The following CHN1 variants were observed in gnomAD, a reference collection of about 807,000 sequenced individuals.
The protein encoded by CHN1 is N-chimaerin.
In CHN1, 37 loss-of-function variants were observed where a neutral mutation model predicts 59.5. The observed-to-expected ratio is 0.62, with a 90% confidence interval of 0.48 to 0.82. The LOEUF (loss-of-function observed/expected upper bound fraction) is 0.82. Ranked by LOEUF, CHN1 falls within the 40% of genes least tolerant of loss-of-function variation. The probability of loss-of-function intolerance (pLI) is 0.00; values close to 1 mark genes in which losing one functional copy is unlikely to be tolerated. For missense variants in CHN1, 469 were observed against 571.0 expected, an observed-to-expected ratio of 0.82 and a Z score of 1.82; for synonymous variants, 206 against 200.4, an observed-to-expected ratio of 1.03 and a Z score of -0.24.
intron 6 of CHN1, among the ~76,000 whole-genome samples, chr2:174,860,834 T>G (rs1392324281): frequency 6.6e-6 from 1 of 152,058 alleles, no homozygotes; most frequent in Non-Finnish European, 1.5e-5. Context: ...CACAGATGAC[T>G]TCTACACCTC....
chr2:174,800,195 G>C lies in CHN1; in HGVS notation c.1301C>G (p.Ala434Gly). 1.3e-6 allele frequency: 2 copies of C among 1,528,252 alleles called. No homozygotes were observed. The highest frequency in any genetic ancestry group is 1.8e-6 in the Non-Finnish European group (2 of 1,142,686). The allele number at this position is 1,528,252 out of a possible 1,614,324, so 94.7% of individuals were successfully genotyped here. A position where few individuals can be genotyped will look rare whatever the true frequency, so the allele number is the denominator to read the frequency against. Residue 434 changes from alanine to glycine, a missense_variant, in exon 13 of 13, where the codon GCC becomes GGC. Ala to Gly is a moderately conservative substitution (Grantham distance 60). Transcript: ENST00000409900. ...CCGTATATCATTCAATGCAGCCATG[G>C]CGTCTAGTTCTGGAGATCTCATAAG... ...PTLMRSPELDAMAALNDIRYQ... is the reference protein window; with the variant it reads ...PTLMRSPELDGMAALNDIRYQ...
chr2:174,973,572 A>T (rs550520635), intron 1 of CHN1, among the ~76,000 whole-genome samples: 1 of 152,248 alleles, frequency 6.6e-6, no homozygotes, highest in Non-Finnish European at 1.5e-5. Context: ...AAGATGAAGG[A>T]TGCCTGGGCA....
intron 6 of CHN1, among the ~76,000 whole-genome samples, chr2:174,855,515 CAACTT>C (rs1166253999): frequency 7.2e-5 from 11 of 152,142 alleles, no homozygotes; most frequent in Admixed American, 2.6e-4. Flanking sequence ...AAATTCAACT[CAACTT>C]AGATACACAG....
At chr2:174,897,423 TTGTGTGTG>T in intron 5 of CHN1, among the ~76,000 whole-genome samples, 1 of 148,184 alleles carries the variant, frequency 6.7e-6, no homozygotes, top group South Asian at 2.1e-4. Flanking sequence ...CTCTGTGTGC[TTGTGTGTG>T]TGTGTGTGTG....
At position 174,799,708 on chromosome 2, in the gene CHN1, A is replaced by C. The variant is rs1266056453; in HGVS notation, c.*408T>G. The C allele has an allele frequency of 1.9e-6, 1 of 535,032 alleles. No individual in the cohort carries two copies. Among genetic ancestry groups the C allele is most frequent in the Admixed American group, 2.2e-5 (1 of 45,074 alleles). The allele number at this position is 535,032 out of a possible 1,614,324, so 33.1% of individuals were successfully genotyped here. A position where few individuals can be genotyped will look rare whatever the true frequency, so the allele number is the denominator to read the frequency against. On this transcript the variant is annotated 3_prime_UTR_variant, in exon 13 of 13. Coordinates refer to ENST00000409900, the MANE Select transcript of CHN1 (RefSeq NM_001822.7). ...TTTGTGTGTGCGTGTTTGTACAAGC[A>C]TCAGAAACCAATGACATAGACCCCA... is the stretch of plus-strand genomic sequence containing the variant.
At chr2:174,934,456 TTGCTCACCTGCCTGC>T (rs1461455459) in intron 3 of CHN1, among the ~76,000 whole-genome samples, 1 of 152,190 alleles carries the variant, frequency 6.6e-6, no homozygotes, top group African/African-American at 2.4e-5. Flanking sequence ...GAAGCTTCAC[TTGCTCACCTGCCTGC>T]TGCTCACCTC....
intron 6 of CHN1, among the ~76,000 whole-genome samples, chr2:174,849,335 A>G (rs1404785975): frequency 6.6e-6 from 1 of 152,170 alleles, no homozygotes; most frequent in Non-Finnish European, 1.5e-5. Flanking sequence ...TTTCCTGAGT[A>G]ATGTTCTATT....
At chr2:174,977,831 A>C (rs1690997009) in intron 1 of CHN1, among the ~76,000 whole-genome samples, 1 of 152,204 alleles carries the variant, frequency 6.6e-6, no homozygotes. Context: ...GGGTTATCAA[A>C]ATTTATTAAC....
intron 1 of CHN1, among the ~76,000 whole-genome samples, chr2:174,981,479 A>G (rs1559008736): frequency 6.6e-6 from 1 of 152,224 alleles, no homozygotes; most frequent in Non-Finnish European, 1.5e-5. Flanking sequence ...CATATGACAA[A>G]GCAATTTAAC....
intron 6 of CHN1, among the ~76,000 whole-genome samples, chr2:174,849,550 CTA>C (rs977960391): frequency 3.3e-5 from 5 of 152,058 alleles, no homozygotes; most frequent in Admixed American, 1.3e-4. Context: ...ATTGATAACT[CTA>C]AAATTCAGAA....
chr2:174,879,645 CT>C (rs1687674214), intron 5 of CHN1, among the ~76,000 whole-genome samples: 2 of 151,910 alleles, frequency 1.3e-5, no homozygotes, highest in Admixed American at 1.3e-4. Context: ...TCCTTTTTTT[CT>C]AATATACATT....
chr2:174,975,991 T>G (rs1027539078), intron 1 of CHN1, among the ~76,000 whole-genome samples: 2 of 150,398 alleles, frequency 1.3e-5, no homozygotes, highest in Non-Finnish European at 3.0e-5. Flanking sequence ...CCGGGCATGG[T>G]GGCGGGTGTC....
chr2:174,986,124 C>G (rs1020446530), intron 1 of CHN1, among the ~76,000 whole-genome samples: 1 of 152,056 alleles, frequency 6.6e-6, no homozygotes, highest in East Asian at 1.9e-4. Context: ...CACACTGGAT[C>G]CCTATATTAT....
At chr2:174,987,467 G>A (rs1347236405) in intron 1 of CHN1, among the ~76,000 whole-genome samples, 1 of 151,250 alleles carries the variant, frequency 6.6e-6, no homozygotes, top group Non-Finnish European at 1.5e-5. Flanking sequence ...GAGTACAGTG[G>A]CGCAATCTCG....
chr2:174,872,207 C>T (rs1687431166), intron 6 of CHN1, among the ~76,000 whole-genome samples: 2 of 152,168 alleles, frequency 1.3e-5, no homozygotes, highest in South Asian at 4.2e-4. Context: ...TCGCTTGAGC[C>T]CAGGAGGTCA....
intron 5 of CHN1, among the ~76,000 whole-genome samples, chr2:174,887,499 T>A (rs1292937027): frequency 6.6e-6 from 1 of 152,186 alleles, no homozygotes; most frequent in Non-Finnish European, 1.5e-5. Context: ...GGTATTACTA[T>A]TATTACATCC....
chr2:174,808,756 CA>C, intron 11 of CHN1, 148 bp downstream of exon 11: 1 of 810,802 alleles, frequency 1.2e-6, no homozygotes, highest in Non-Finnish European at 2.0e-6. Flanking sequence ...CGTTAGAGAA[CA>C]ATGCAAAATT....
chr2:174,839,310 G>GGT lies in CHN1; in HGVS notation c.627+7568_627+7569dup, dbSNP rs1239509400. 5.9e-5 allele frequency among the ~76,000 whole-genome samples: 9 copies of GGT among 151,960 alleles called. No individual in the cohort carries two copies. In the South Asian group the frequency reaches 1.5e-3, roughly 25 times the overall value. On this transcript the variant is annotated intron_variant, in intron 7 of 12. Coordinates refer to ENST00000409900, the MANE Select transcript of CHN1 (RefSeq NM_001822.7). Reference sequence around the variant, plus strand: ...GCGTTTATATCCTTAAAGAAAGTATGGTATATATATACAATAGAATATTTA... The same window carrying GGT: ...GCGTTTATATCCTTAAAGAAAGTATGGTGTATATATATACAATAGAATATTTA...
intron 9 of CHN1, 26 bp downstream of exon 9, chr2:174,812,283 T>G (rs1408868562): frequency 6.3e-7 from 1 of 1,591,954 alleles, no homozygotes. Context: ...CGGAGACCAC[T>G]GCAACCCGCA....
Sources: gnomAD v4.1 joint callset for allele counts (sites outside exome capture counted in the v4.1 genomes callset) on GRCh38, gnomAD v4.1.1 for gene constraint, MANE v1.5 for transcripts, NCBI Gene and HGNC (gene_info 2026-07-23, HGNC 2026-07-21) for gene names.